The following C11orf58 variants were observed in gnomAD, a reference collection of about 807,000 sequenced individuals.
The protein encoded by C11orf58 is chromosome 11 open reading frame 58.
In C11orf58, 5 loss-of-function variants were observed where a neutral mutation model predicts 22.7. That is an observed-to-expected ratio of 0.22 (90% CI 0.12 to 0.46). The LOEUF (loss-of-function observed/expected upper bound fraction) is 0.46, where lower values mean the gene tolerates loss of function less well. C11orf58 is among the 20% of genes least tolerant of loss of function. C11orf58 has a pLI of 0.99. For missense variants in C11orf58, 151 were observed against 223.3 expected, an observed-to-expected ratio of 0.68 and a Z score of 2.06; for synonymous variants, 71 against 70.7, an observed-to-expected ratio of 1.00 and a Z score of -0.02.
At chr11:16,751,598 A>T (rs1051035131) in intron 3 of C11orf58, 3 of 152,196 alleles carry the variant, frequency 2.0e-5, no homozygotes, top group African/African-American at 7.2e-5. Context: ...GAGTGGCTGC[A>T]TTCAAAGCCA....
rs1357690850 is a variant in C11orf58, at chr11:16,756,943, G to C, written c.*1839G>C. On this transcript the variant is annotated 3_prime_UTR_variant, in exon 5 of 5. Transcript: ENST00000228136. ...AAAAAAAAAAATTTAGAATGTGTTA[G>C]AGAAATTTAACAAGTAGAACAGGTG... 2 of 149,986 alleles carry C rather than the reference G, an allele frequency of 1.3e-5. No homozygotes were observed. The highest frequency in any genetic ancestry group is 3.0e-5 in the Non-Finnish European group (2 of 67,524). 9.3% of individuals were successfully genotyped at this position (149,986 alleles called of 1,614,324 possible).
In C11orf58 at chr11:16,738,826, C is replaced by G. The variant is rs562771997; in HGVS notation, c.48C>G (p.Ala16=). The G allele has an allele frequency of 1.2e-5, 19 of 1,614,094 alleles. No individual in the cohort carries two copies. In the South Asian group the frequency reaches 2.0e-4, roughly 17 times the overall value. The change falls in exon 1 of 5, where the codon GCC becomes GCG. Residue 16 remains alanine, a synonymous_variant. Coordinates refer to ENST00000228136, the MANE Select transcript of C11orf58 (RefSeq NM_014267.6). ...ESHPHGVKRS[A]SPDDDLGSSN... ...ACCCGCATGGGGTGAAGCGTTCAGC[C>G]TCCCCAGACGACGATGTAAATAATA...
In C11orf58 at chr11:16,738,764, G is replaced by T. The variant is rs1488873265; in HGVS notation, c.-15G>T. 9 of 1,613,666 alleles carry T rather than the reference G, an allele frequency of 5.6e-6. No homozygotes were observed. Among genetic ancestry groups the T allele is most frequent in the South Asian group, 1.1e-5 (1 of 91,078 alleles). The stretch of plus-strand genomic sequence containing the variant: ...GCGAGAGGGTTCGGCATTTTTCGTC[G>T]GGATCCCCGCAAGGATGAGTGCTGC... On this transcript the variant is annotated 5_prime_UTR_variant, in exon 1 of 5. Coordinates refer to ENST00000228136, the MANE Select transcript of C11orf58 (RefSeq NM_014267.6).
chr11:16,745,463 G>A (rs1050334619), intron 2 of C11orf58, among the ~76,000 whole-genome samples: 1 of 152,102 alleles, frequency 6.6e-6, no homozygotes, highest in Non-Finnish European at 1.5e-5. Flanking sequence ...ATTATATCCT[G>A]TATTCTTACA....
chr11:16,739,400 A>G (rs768707132), intron 1 of C11orf58: 3 of 154,606 alleles, frequency 1.9e-5, no homozygotes, highest in Non-Finnish European at 4.3e-5. Context: ...GTGAGGTCTA[A>G]GACGTTGAGA....
intron 1 of C11orf58, among the ~76,000 whole-genome samples, chr11:16,741,094 TAAA>T (rs10634210): frequency 7.2e-6 from 1 of 139,102 alleles, no homozygotes; most frequent in Non-Finnish European, 1.5e-5. Flanking sequence ...AGACTCTGTT[TAAA>T]AAAAAAAAAA....
chr11:16,744,822 A>G lies in C11orf58; in HGVS notation c.147+138A>G. ...GATTTCTTTTGGCTTTGGGAAATACATGTGGCCTAACCAAGCACATAAAAT... is the reference window on the plus strand; with the variant it reads ...GATTTCTTTTGGCTTTGGGAAATACGTGTGGCCTAACCAAGCACATAAAAT... On this transcript the variant is annotated intron_variant, in intron 2 of 4. Transcript: ENST00000228136. The G allele has an allele frequency of 8.3e-6, 6 of 720,880 alleles. No individual in the cohort carries two copies. The South Asian group carries it at 1.2e-4, about 15-fold the overall frequency. The allele number at this position is 720,880 out of a possible 1,614,324, so 44.7% of individuals were successfully genotyped here. A position where few individuals can be genotyped will look rare whatever the true frequency, so the allele number is the denominator to read the frequency against.
rs1459168264 is a variant in C11orf58 at position 16,755,744 on chromosome 11, G to C, written c.*640G>C. ...GGATTGTATCGTATGTTAGATTTTT[G>C]ATAAAATTTGGCCAATTTTTACAGA... On this transcript the variant is annotated 3_prime_UTR_variant, in exon 5 of 5. Coordinates refer to ENST00000228136, the MANE Select transcript of C11orf58 (RefSeq NM_014267.6). 2 of 152,472 alleles carry C rather than the reference G, an allele frequency of 1.3e-5. No individual in the cohort carries two copies. Among genetic ancestry groups the C allele is most frequent in the African/African-American group, 4.8e-5 (2 of 41,380 alleles). The allele number at this position is 152,472 out of a possible 1,614,324, so 9.4% of individuals were successfully genotyped here.
At chr11:16,738,903 A>G in intron 1 of C11orf58, 62 bp downstream of exon 1, 1 of 1,599,120 alleles carries the variant, frequency 6.3e-7, no homozygotes, top group Non-Finnish European at 8.6e-7. Context: ...GTAGGCCGGG[A>G]AGGGTGGTTG....
chr11:16,741,748 T>C (rs1334694444), intron 1 of C11orf58, among the ~76,000 whole-genome samples: 3 of 152,218 alleles, frequency 2.0e-5, no homozygotes, highest in Non-Finnish European at 2.9e-5. Context: ...ATGCGAGTGA[T>C]CTAGGTTGCA....
Position 16,748,094 on chromosome 11 carries a change from T to C in C11orf58, c.148-3T>C, listed in dbSNP as rs751752395. 16 of 1,610,362 alleles carry C rather than the reference T, an allele frequency of 9.9e-6. No individual in the cohort carries two copies. The highest frequency in any genetic ancestry group is 2.2e-5 in the East Asian group (1 of 44,778). ...TGCTAATACATTTTCAACCTTCTTA[T>C]AGAAAGAACATACTGGTCGTCTTGT... On this transcript the variant is annotated splice_region_variant and splice_polypyrimidine_tract_variant and intron_variant, in intron 2 of 4. Coordinates refer to ENST00000228136, the MANE Select transcript of C11orf58 (RefSeq NM_014267.6).
At chr11:16,738,865 T>A in intron 1 of C11orf58, 24 bp downstream of exon 1, 1 of 1,613,446 alleles carries the variant, frequency 6.2e-7, no homozygotes, top group Non-Finnish European at 8.5e-7. Flanking sequence ...GCGGAGTGGC[T>A]GAGGGTTGAG....
chr11:16,748,040 C>T (rs1318978726), intron 2 of C11orf58, 57 bp from the exon 3 acceptor site: 1 of 1,311,328 alleles, frequency 7.6e-7, no homozygotes, highest in Non-Finnish European at 1.1e-6. Context: ...ATAGTAGATA[C>T]CCAATAAGGT....
intron 3 of C11orf58, chr11:16,750,077 C>T (rs1310492996): frequency 6.6e-6 from 1 of 152,108 alleles, no homozygotes; most frequent in Non-Finnish European, 1.5e-5. Flanking sequence ...GGGGGAAAGA[C>T]CCAATGATGA....
chr11:16,746,594 A>G (rs1191486015), intron 2 of C11orf58: 2 of 152,238 alleles, frequency 1.3e-5, no homozygotes, highest in Admixed American at 1.3e-4. Flanking sequence ...TCAACTTAGT[A>G]GAATGAAACT....
Position 16,757,590 on chromosome 11 carries a change from T to C in C11orf58, c.*2486T>C, listed in dbSNP as rs1188093238. 6.6e-6 allele frequency among the ~76,000 whole-genome samples: 1 copy of C among 152,224 alleles called. No individual in the cohort carries two copies. Among genetic ancestry groups the C allele is most frequent in the African/African-American group, 2.4e-5 (1 of 41,454 alleles). On this transcript the variant is annotated 3_prime_UTR_variant, in exon 5 of 5. Transcript: ENST00000228136. Reference sequence around the variant, plus strand: ...TTGGAAAAAAATTAGACAACTGATGTCATGCTGTCTTGGTATCCATACTAA... The same window carrying C: ...TTGGAAAAAAATTAGACAACTGATGCCATGCTGTCTTGGTATCCATACTAA...
chr11:16,740,151 C>G (rs1230831390), intron 1 of C11orf58, among the ~76,000 whole-genome samples: 3 of 152,180 alleles, frequency 2.0e-5, no homozygotes, highest in African/African-American at 7.2e-5. Flanking sequence ...TTTGAGTAAC[C>G]TGGCTGCCAC....
Position 16,757,647 on chromosome 11 carries a change from C to CT in C11orf58, c.*2544dup, listed in dbSNP as rs1482654686. 6.6e-6 allele frequency among the ~76,000 whole-genome samples: 1 copy of CT among 152,182 alleles called. No homozygotes were observed. The highest frequency in any genetic ancestry group is 1.5e-5 in the Non-Finnish European group (1 of 68,034). ...ATCAGGAAAATAGATTATTTTTGTG[C>CT]TGTGAAACACTATTCAGTGGAAAGT... On this transcript the variant is annotated 3_prime_UTR_variant, in exon 5 of 5. Transcript: ENST00000228136.
At chr11:16,751,486 AGC>A (rs969595339) in intron 3 of C11orf58, 30 of 143,982 alleles carry the variant, frequency 2.1e-4, no homozygotes, top group African/African-American at 7.0e-4. Flanking sequence ...TGGGCAAGAG[AGC>A]GAGACTCCCT....
Sources: gnomAD v4.1 joint callset for allele counts (sites outside exome capture counted in the v4.1 genomes callset) on GRCh38, gnomAD v4.1.1 for gene constraint, MANE v1.5 for transcripts, NCBI Gene and HGNC (gene_info 2026-07-23, HGNC 2026-07-21) for gene names.